Variants in SV2C observed in about 807,000 individuals in gnomAD.
SV2C encodes synaptic vesicle glycoprotein 2C.
A neutral mutation model predicts 79.7 loss-of-function variants in SV2C; 49 were observed. The ratio of observed to expected loss-of-function variants is 0.61; its 90% CI spans 0.49 to 0.78. The LOEUF (loss-of-function observed/expected upper bound fraction) is 0.78. SV2C is among the 30% of genes least tolerant of loss of function. The probability of loss-of-function intolerance (pLI) is 0.00; values close to 1 mark genes in which losing one functional copy is unlikely to be tolerated. For synonymous variants in SV2C, 334 were observed against 333.2 expected (o/e 1.00, Z -0.03); for missense variants, 833 against 912.9 (o/e 0.91, Z 1.13).
chr5:75,971,469 C>A, the SV2C span, among the ~76,000 whole-genome samples: 1 of 152,096 alleles, frequency 6.6e-6, no homozygotes, highest in African/African-American at 2.4e-5. Context: ...TAAGCAACTT[C>A]AGCAAAGTCT....
At chr5:75,908,459 C>T in the SV2C span, among the ~76,000 whole-genome samples, 1 of 152,210 alleles carries the variant, frequency 6.6e-6, no homozygotes, top group Non-Finnish European at 1.5e-5. Flanking sequence ...CTCATCCATT[C>T]ATCAGTCAGG....
downstream of SV2C, among the ~76,000 whole-genome samples, chr5:76,338,115 A>T (rs1467414457): frequency 1.3e-5 from 2 of 152,266 alleles, no homozygotes; most frequent in African/African-American, 4.8e-5. Context: ...TCCAGACACC[A>T]GGTGGAGAAA....
the SV2C span, among the ~76,000 whole-genome samples, chr5:75,931,822 G>T: frequency 6.6e-6 from 1 of 152,036 alleles, no homozygotes; most frequent in Non-Finnish European, 1.5e-5. Context: ...CATATTGCTG[G>T]AAATAAGCCC....
At chr5:76,001,895 G>A in the SV2C span, among the ~76,000 whole-genome samples, 49 of 152,126 alleles carry the variant, frequency 3.2e-4, no homozygotes, top group African/African-American at 1.1e-3. Flanking sequence ...TGGTACACCC[G>A]TCACCTGAGC....
the SV2C span, among the ~76,000 whole-genome samples, chr5:76,058,710 T>G: frequency 5.3e-5 from 8 of 152,132 alleles, no homozygotes; most frequent in Non-Finnish European, 8.8e-5. Flanking sequence ...AATAAGAATG[T>G]GACTAGAAGT....
At chr5:75,925,768 A>C in the SV2C span, among the ~76,000 whole-genome samples, 2 of 151,836 alleles carry the variant, frequency 1.3e-5, no homozygotes, top group African/African-American at 4.8e-5. Context: ...AAAAAAAAGC[A>C]CAAAGAACAT....
intron 4 of SV2C, among the ~76,000 whole-genome samples, chr5:76,272,465 T>C (rs975093004): frequency 6.6e-6 from 1 of 152,214 alleles, no homozygotes; most frequent in Admixed American, 6.5e-5. Flanking sequence ...TGTTGGGCTT[T>C]TTGGGTTTTT....
chr5:76,101,364 C>A lies in SV2C; in HGVS notation c.-102+17852C>A, dbSNP rs147817448. ...AGGAACAGCCTTGAGGTAGAAATAC[C>A]AGTTAGGAGTGGCCAATTTCCATTA... On this transcript the variant is annotated intron_variant, in intron 1 of 12. Coordinates refer to ENST00000502798, the MANE Select transcript of SV2C (RefSeq NM_014979.4). 2.4e-4 allele frequency among the ~76,000 whole-genome samples: 37 copies of A among 152,236 alleles called. No individual in the cohort carries two copies. In the East Asian group the frequency reaches 6.6e-3, roughly 27 times the overall value.
At chr5:75,882,190 T>C in the SV2C span, among the ~76,000 whole-genome samples, 15,166 of 145,952 alleles carry the variant, frequency 0.1, 893 homozygotes, top group African/African-American at 0.18. Flanking sequence ...TGCTGCTGGA[T>C]TTGGTTTGCC....
At chr5:76,176,519 C>G (rs1743534702) in intron 2 of SV2C, among the ~76,000 whole-genome samples, 1 of 152,164 alleles carries the variant, frequency 6.6e-6, no homozygotes, top group Non-Finnish European at 1.5e-5. Flanking sequence ...AAATCACCCA[C>G]CACCACCACC....
chr5:76,252,673 A>G (rs1746151398), intron 4 of SV2C, among the ~76,000 whole-genome samples: 1 of 152,240 alleles, frequency 6.6e-6, no homozygotes, highest in Non-Finnish European at 1.5e-5. Context: ...GTGGTTTCGA[A>G]TATTTTTCTT....
At chr5:76,321,000 C>A (rs1748809106) in intron 12 of SV2C, among the ~76,000 whole-genome samples, 1 of 152,178 alleles carries the variant, frequency 6.6e-6, no homozygotes, top group African/African-American at 2.4e-5. Context: ...ATGTAACCCA[C>A]AAAATCACTG....
the SV2C span, among the ~76,000 whole-genome samples, chr5:76,049,015 GAAAGAAAGA>G: frequency 3.4e-3 from 310 of 90,324 alleles, 6 homozygotes; most frequent in South Asian, 0.011. Flanking sequence ...AAGAAAGAAA[GAAAGAAAGA>G]AAAAGAAAAG....
At chr5:76,198,866 A>G (rs545793255) in intron 3 of SV2C, among the ~76,000 whole-genome samples, 1 of 152,294 alleles carries the variant, frequency 6.6e-6, no homozygotes, top group African/African-American at 2.4e-5. Flanking sequence ...GAACCATGCA[A>G]GGACTTTCAT....
At chr5:76,346,385 CTG>C (rs1351707307) in intron 12 of SV2C, among the ~76,000 whole-genome samples, 2 of 152,236 alleles carry the variant, frequency 1.3e-5, no homozygotes, top group African/African-American at 4.8e-5. Context: ...GCATCAGCTT[CTG>C]TGAGCCAGTA....
intron 12 of SV2C, among the ~76,000 whole-genome samples, chr5:76,317,647 T>C (rs766156096): frequency 5.3e-5 from 8 of 151,940 alleles, no homozygotes; most frequent in Non-Finnish European, 8.8e-5. Flanking sequence ...CTGGGAAACA[T>C]AGTGGGTACC....
At chr5:76,046,564 C>T in the SV2C span, among the ~76,000 whole-genome samples, 2 of 152,276 alleles carry the variant, frequency 1.3e-5, no homozygotes, top group South Asian at 2.1e-4. Flanking sequence ...AAAAGTTTTC[C>T]TACTGAATGG....
At chr5:76,242,188 C>T (rs1460640599) in intron 4 of SV2C, 9 of 1,037,164 alleles carry the variant, frequency 8.7e-6, no homozygotes, top group East Asian at 2.4e-5. Context: ...TGGGCTCTGG[C>T]TTTGGAGGAG....
the SV2C span, among the ~76,000 whole-genome samples, chr5:75,965,759 T>G: frequency 6.6e-6 from 1 of 152,114 alleles, no homozygotes; most frequent in Admixed American, 6.6e-5. Flanking sequence ...CTACCTACTA[T>G]GGCATTGTTG....
Sources: allele counts gnomAD v4.1 joint callset (sites outside exome capture counted in the v4.1 genomes callset), GRCh38; gene constraint gnomAD v4.1.1; transcripts MANE v1.5; gene names NCBI Gene and HGNC (gene_info 2026-07-23, HGNC 2026-07-21).